TMTC4: variants seen among roughly 807,000 people sequenced by gnomAD.
The protein encoded by TMTC4 is transmembrane O-mannosyltransferase targeting cadherins 4.
Under a neutral mutation model 86.0 loss-of-function variants are expected in TMTC4, and 65 were observed. The observed-to-expected ratio is 0.76, with a 90% CI of 0.62 to 0.93. The LOEUF is 0.93. TMTC4 is among the 40% of genes least tolerant of loss of function. The pLI is 0.00. For missense variants in TMTC4, 866 were observed against 948.1 expected (o/e 0.91, Z 1.14); for synonymous variants, 379 against 382.5 (o/e 0.99, Z 0.11).
intron 6 of TMTC4, among the ~76,000 whole-genome samples, chr13:100,648,891 A>G (rs1884081467): frequency 6.6e-6 from 1 of 151,922 alleles, no homozygotes; most frequent in African/African-American, 2.4e-5. Context: ...GTCTCACTAT[A>G]TTGCCCAAGC....
At chr13:100,631,361 CACTT>C (rs1006119113) in intron 12 of TMTC4, among the ~76,000 whole-genome samples, 4 of 152,188 alleles carry the variant, frequency 2.6e-5, no homozygotes, top group Non-Finnish European at 5.9e-5. Context: ...CATCCTGGGT[CACTT>C]ACTCCTTAAG....
Position 100,672,911 on chromosome 13 carries a change from T to C in TMTC4, c.-208+1833A>G, listed in dbSNP as rs562513162. On this transcript the variant is annotated intron_variant, in intron 1 of 18. Transcript: ENST00000342624. ...CACATGATGTCCTGCCTGGGCTCCC[T>C]GGCTCCTCTGCCATAGCTGGATCGT... is the stretch of plus-strand genomic sequence containing the variant. Among the ~76,000 whole-genome samples, 10 of 152,284 alleles carry C rather than the reference T, an allele frequency of 6.6e-5. No homozygotes were observed. In the South Asian group the frequency reaches 2.1e-3, roughly 32 times the overall value.
rs1389029216 is a variant in TMTC4, at chr13:100,604,546, T to G, written c.*448A>C. Reference sequence around the variant, plus strand: ...AAGAGATAAAAAAACTTAATTTGCTTTGTCATTAAATAAAAATGCTAATAT... The same window carrying G: ...AAGAGATAAAAAAACTTAATTTGCTGTGTCATTAAATAAAAATGCTAATAT... On this transcript the variant is annotated 3_prime_UTR_variant, in exon 19 of 19. Coordinates refer to ENST00000342624, the MANE Select transcript of TMTC4 (RefSeq NM_032813.5). 2 of 152,418 alleles carry G rather than the reference T, an allele frequency of 1.3e-5. No individual in the cohort carries two copies. Among genetic ancestry groups the G allele is most frequent in the Non-Finnish European group, 2.9e-5 (2 of 68,206 alleles). 9.4% of individuals were successfully genotyped at this position (152,418 alleles called of 1,614,324 possible).
intron 6 of TMTC4, among the ~76,000 whole-genome samples, chr13:100,649,058 C>A (rs1884102851): frequency 6.6e-6 from 1 of 152,134 alleles, no homozygotes; most frequent in Non-Finnish European, 1.5e-5. Context: ...AGAATCTAAA[C>A]TGGAAAGCTT....
At chr13:100,619,389 T>C (rs1290570591) in intron 15 of TMTC4, among the ~76,000 whole-genome samples, 1 of 151,264 alleles carries the variant, frequency 6.6e-6, no homozygotes, top group East Asian at 1.9e-4. Flanking sequence ...ATGGATTTTT[T>C]AGCAGGTGAC....
At chr13:100,610,263 C>G (rs995707032) in intron 17 of TMTC4, among the ~76,000 whole-genome samples, 1 of 152,222 alleles carries the variant, frequency 6.6e-6, no homozygotes, top group Non-Finnish European at 1.5e-5. Flanking sequence ...CCCCTCTTCT[C>G]TGGGACATCC....
chr13:100,636,774 A>C, intron 9 of TMTC4, 40 bp from the exon 10 acceptor site: 1 of 1,605,772 alleles, frequency 6.2e-7, no homozygotes, highest in Non-Finnish European at 8.5e-7. Flanking sequence ...TTTGATACTG[A>C]ACTTAAAAAA....
At chr13:100,608,899 CT>C (rs1277062319) in intron 17 of TMTC4, among the ~76,000 whole-genome samples, 1 of 152,050 alleles carries the variant, frequency 6.6e-6, no homozygotes, top group Non-Finnish European at 1.5e-5. Flanking sequence ...CTGAGAAAGC[CT>C]TGCAAATTAT....
chr13:100,629,441 C>T (rs1286372785), intron 12 of TMTC4, among the ~76,000 whole-genome samples: 3 of 152,088 alleles, frequency 2.0e-5, no homozygotes, highest in East Asian at 1.9e-4. Context: ...CTGCTGTGAC[C>T]CTCTCTTCTG....
chr13:100,622,778 A>T (rs567566415), intron 15 of TMTC4, among the ~76,000 whole-genome samples: 25 of 151,810 alleles, frequency 1.6e-4, no homozygotes, highest in Admixed American at 9.8e-4. Context: ...CTTTTTTTTT[A>T]AATTTATTAT....
At chr13:100,639,665 C>A (rs1239055155) in intron 7 of TMTC4, among the ~76,000 whole-genome samples, 1 of 152,172 alleles carries the variant, frequency 6.6e-6, no homozygotes, top group African/African-American at 2.4e-5. Context: ...GGAGGCCTGG[C>A]GTGGTGGCTC....
chr13:100,674,340 C>T (rs1887550219), intron 1 of TMTC4: 2 of 978,448 alleles, frequency 2.0e-6, no homozygotes, highest in Non-Finnish European at 2.4e-6. Flanking sequence ...GGCGGCCAGG[C>T]GCGGGGCCCC....
At chr13:100,608,500 G>A (rs1391103308) in intron 17 of TMTC4, among the ~76,000 whole-genome samples, 1 of 152,218 alleles carries the variant, frequency 6.6e-6, no homozygotes, top group East Asian at 1.9e-4. Flanking sequence ...AGGAGGAAGA[G>A]ATGGTTTGAG....
chr13:100,615,924 G>C (rs1345784358), intron 15 of TMTC4, among the ~76,000 whole-genome samples: 2 of 152,164 alleles, frequency 1.3e-5, no homozygotes, highest in Non-Finnish European at 1.5e-5. Context: ...CACTCTAGTA[G>C]TCTCAAGTGT....
chr13:100,632,053 A>ACACACACACACTCTCTCTCTCT (rs1296569630), intron 12 of TMTC4, among the ~76,000 whole-genome samples: 6 of 43,138 alleles, frequency 1.4e-4, no homozygotes, highest in Non-Finnish European at 2.4e-4. Flanking sequence ...ACACACACAC[A>ACACACACACACTCTCTCTCTCT]CTCTCTCTCT....
At chr13:100,611,181 G>A (rs1877512600) in intron 17 of TMTC4, among the ~76,000 whole-genome samples, 1 of 152,212 alleles carries the variant, frequency 6.6e-6, no homozygotes, top group Non-Finnish European at 1.5e-5. Flanking sequence ...TAGGCTGAGT[G>A]ATTGAAATAA....
At chr13:100,671,413 G>T (rs574744218) in intron 1 of TMTC4, among the ~76,000 whole-genome samples, 1 of 152,104 alleles carries the variant, frequency 6.6e-6, no homozygotes, top group Non-Finnish European at 1.5e-5. Context: ...CTAAATTAGC[G>T]ACTGTACCTC....
intron 6 of TMTC4, among the ~76,000 whole-genome samples, chr13:100,650,979 A>G (rs1422061103): frequency 1.3e-5 from 2 of 152,246 alleles, no homozygotes; most frequent in Non-Finnish European, 2.9e-5. Context: ...CTATACAGCT[A>G]TAGAACTACA....
chr13:100,632,994 A>C (rs1214290091), intron 12 of TMTC4, among the ~76,000 whole-genome samples: 1 of 152,066 alleles, frequency 6.6e-6, no homozygotes, highest in Non-Finnish European at 1.5e-5. Context: ...CATAATGCAA[A>C]ACCCAAACTG....
Sources: allele counts gnomAD v4.1 joint callset (sites outside exome capture counted in the v4.1 genomes callset), GRCh38; gene constraint gnomAD v4.1.1; transcripts MANE v1.5; gene names NCBI Gene and HGNC (gene_info 2026-07-23, HGNC 2026-07-21).